The following PICK1 variants were observed in gnomAD, a reference collection of about 807,000 sequenced individuals.
PICK1 encodes protein interacting with PRKCA 1, also known as PRKCA-binding protein.
In PICK1, 23 loss-of-function variants were observed where a neutral mutation model predicts 48.9. The observed-to-expected ratio is 0.47, with a 90% CI of 0.34 to 0.67. The LOEUF is 0.67. Among genes scored for constraint, PICK1 ranks in the 30% least tolerant of loss-of-function variants. The probability of loss-of-function intolerance (pLI) is 0.01; values close to 1 mark genes in which losing one functional copy is unlikely to be tolerated. For missense variants in PICK1, 423 were observed against 557.1 expected, an observed-to-expected ratio of 0.76 and a Z score of 2.42; for synonymous variants, 217 against 228.2, an observed-to-expected ratio of 0.95 and a Z score of 0.44.
Position 38,069,082 on chromosome 22 carries a change from C to T in PICK1, c.399C>T (p.Thr133=), listed in dbSNP as rs147840806. The stretch of plus-strand genomic sequence containing the variant: ...TGGTGGAGAACATGAGTTCAGGGAC[C>T]GCAGATGCTCTGGGCCTGAGCCGGG... ...HRLVENMSSG[T]ADALGLSRAI... The change falls in exon 6 of 13, where the codon ACC becomes ACT. Residue 133 remains threonine, a synonymous_variant. Transcript: ENST00000356976. The T allele has an allele frequency of 4.1e-4, 654 of 1,612,908 alleles. No individual in the cohort carries two copies. The highest frequency in any genetic ancestry group is 5.2e-4 in the Non-Finnish European group (610 of 1,179,618).
Position 38,074,755 on chromosome 22 carries a change from TG to T in PICK1, c.980-106del. On this transcript the variant is annotated intron_variant, in intron 12 of 12. Coordinates refer to ENST00000356976, the MANE Select transcript of PICK1 (RefSeq NM_012407.4). This position sits in a 1 kb window ranked among gnomAD's most constrained non-coding sequence, Gnocchi z 4.5. ...ATGAGGGGTCAGGGAAGTGCCCGAG[TG>T]GGAAGCCCAGGGGAGGCGAGAGGTG... is the stretch of plus-strand genomic sequence containing the variant. The T allele has an allele frequency of 7.1e-7, 1 of 1,412,648 alleles. No homozygotes were observed. The highest frequency in any genetic ancestry group is 9.7e-7 in the Non-Finnish European group (1 of 1,030,616). The allele number at this position is 1,412,648 out of a possible 1,614,324, so 87.5% of individuals were successfully genotyped here. A position where few individuals can be genotyped will look rare whatever the true frequency, so the allele number is the denominator to read the frequency against.
rs2085819674 is a variant in PICK1 at position 38,075,457 on chromosome 22, C to A, written c.*325C>A. 6.3e-6 allele frequency: 2 copies of A among 316,974 alleles called. No homozygotes were observed. The highest frequency in any genetic ancestry group is 1.1e-4 in the East Asian group (2 of 17,766). The allele number at this position is 316,974 out of a possible 1,614,324, so 19.6% of individuals were successfully genotyped here. A position where few individuals can be genotyped will look rare whatever the true frequency, so the allele number is the denominator to read the frequency against. On this transcript the variant is annotated 3_prime_UTR_variant, in exon 13 of 13. Transcript: ENST00000356976. ...GAAAGGACTTGGAGGTGGCAGGAGT[C>A]CGAGCCCTGCTCCTTGTGGGCGCTC...
chr22:38,067,820 C>A, intron 5 of PICK1, 50 bp downstream of exon 5: 1 of 1,495,362 alleles, frequency 6.7e-7, no homozygotes, highest in Non-Finnish European at 9.3e-7. Flanking sequence ...CCTGGATGGG[C>A]CCTGGCCCAA....
rs1372948112 is a variant in PICK1, at chr22:38,074,578, C to G, written c.979+127C>G. The stretch of plus-strand genomic sequence containing the variant: ...CCCCTCCAGGAGCCCAGCCATCTGC[C>G]CAGAGCCTGGCCTGGGTGGAGCTGG... On this transcript the variant is annotated intron_variant, in intron 12 of 12. Transcript: ENST00000356976. This position sits in a 1 kb window ranked among gnomAD's most constrained non-coding sequence, Gnocchi z 4.5. 7.4e-7 allele frequency: 1 copy of G among 1,350,168 alleles called. No homozygotes were observed. The highest frequency in any genetic ancestry group is 1.4e-5 in the African/African-American group (1 of 69,106). The allele number at this position is 1,350,168 out of a possible 1,614,324, so 83.6% of individuals were successfully genotyped here. A position where few individuals can be genotyped will look rare whatever the true frequency, so the allele number is the denominator to read the frequency against.
rs1322029777 is a variant in PICK1 at position 38,073,835 on chromosome 22, A to T, written c.834+12A>T. Reference sequence around the variant, plus strand: ...AATACAGCTGCATTGTGAGTGTTGGAGGGGGTGGGGGGCTTGTACTTCCCC... The same window carrying T: ...AATACAGCTGCATTGTGAGTGTTGGTGGGGGTGGGGGGCTTGTACTTCCCC... On this transcript the variant is annotated intron_variant, in intron 11 of 12. Transcript: ENST00000356976. The surrounding 1 kb of genome is among the most constrained non-coding windows in gnomAD (Gnocchi z 5.7). 4 of 1,565,008 alleles carry T rather than the reference A, an allele frequency of 2.6e-6. No homozygotes were observed. The highest frequency in any genetic ancestry group is 1.7e-5 in the Admixed American group (1 of 58,792).
chr22:38,070,720 C>G, intron 6 of PICK1, 118 bp from the exon 7 acceptor site: 6 of 857,278 alleles, frequency 7.0e-6, no homozygotes, highest in Non-Finnish European at 1.2e-5. Flanking sequence ...CCCTGGGACC[C>G]CTGATCTTTC....
At chr22:38,069,401 G>GCCCCTTA (rs1162364108) in intron 6 of PICK1, among the ~76,000 whole-genome samples, 2 of 152,128 alleles carry the variant, frequency 1.3e-5, no homozygotes, top group East Asian at 3.9e-4. Context: ...CCTGCCCTCA[G>GCCCCTTA]CCCCTTACCC....
chr22:38,059,103 A>G lies in PICK1; in HGVS notation c.42-131A>G. 7.1e-6 allele frequency: 5 copies of G among 703,356 alleles called. No individual in the cohort carries two copies. The South Asian group carries it at 7.6e-5, about 11-fold the overall frequency. The allele number at this position is 703,356 out of a possible 1,614,324, so 43.6% of individuals were successfully genotyped here. ...AGAGCTGTGCATGTTCCAGCACAAA[A>G]TGTTGTTTTGTCCAAGGGAGGGAGA... On this transcript the variant is annotated intron_variant, in intron 2 of 12. Coordinates refer to ENST00000356976, the MANE Select transcript of PICK1 (RefSeq NM_012407.4).
chr22:38,060,496 C>T (rs2085372497), intron 3 of PICK1, among the ~76,000 whole-genome samples: 1 of 152,200 alleles, frequency 6.6e-6, no homozygotes, highest in African/African-American at 2.4e-5. Flanking sequence ...AAACTGGCCT[C>T]TGTGAGGATC....
At position 38,074,875 on chromosome 22, in the gene PICK1, G is replaced by A; in HGVS notation, c.991G>A (p.Val331Met). Reference sequence around the variant, plus strand: ...ACCTCCCACCCCAGTCCAGGACATCGTGTTCCAGCTGCAGCGCCTCGTGTC... The same window carrying A: ...ACCTCCCACCCCAGTCCAGGACATCATGTTCCAGCTGCAGCGCCTCGTGTC... ...LLDQKHVQDI[V>M]FQLQRLVSTM... The change falls in exon 13 of 13, where the codon GTG becomes ATG. Residue 331 changes from valine to methionine, a missense_variant. By Grantham distance (21) the Val-to-Met change is conservative. Coordinates refer to ENST00000356976, the MANE Select transcript of PICK1 (RefSeq NM_012407.4). This position sits in a 1 kb window ranked among gnomAD's most constrained non-coding sequence, Gnocchi z 4.5. The A allele has an allele frequency of 6.2e-7, 1 of 1,612,390 alleles. No individual in the cohort carries two copies. Among genetic ancestry groups the A allele is most frequent in the Non-Finnish European group, 8.5e-7 (1 of 1,179,996 alleles).
intron 2 of PICK1, chr22:38,058,250 C>T (rs1267900299): frequency 3.6e-6 from 1 of 274,122 alleles, no homozygotes; most frequent in African/African-American, 2.2e-5. Context: ...TAGAATATAT[C>T]CTCTTTCAGA....
chr22:38,073,177 C>T lies in PICK1; in HGVS notation c.783+85C>T, dbSNP rs548848106. ...CTTCAGTCAGCCATGCTGCGGCCAG[C>T]GAGGCCAGCCAGAGCTGACAGCATG... is the stretch of plus-strand genomic sequence containing the variant. On this transcript the variant is annotated intron_variant, in intron 10 of 12. Coordinates refer to ENST00000356976, the MANE Select transcript of PICK1 (RefSeq NM_012407.4). This position sits in a 1 kb window ranked among gnomAD's most constrained non-coding sequence, Gnocchi z 5.7. The T allele has an allele frequency of 1.3e-5, 12 of 925,208 alleles. No homozygotes were observed. The highest frequency in any genetic ancestry group is 3.9e-5 in the South Asian group (3 of 76,642). The allele number at this position is 925,208 out of a possible 1,614,324, so 57.3% of individuals were successfully genotyped here.
At chr22:38,057,879 C>A in intron 2 of PICK1, 29 bp downstream of exon 2, 1 of 1,579,154 alleles carries the variant, frequency 6.3e-7, no homozygotes, top group Non-Finnish European at 8.7e-7. Context: ...CAAGTTCCAG[C>A]AGTATAGGAG....
At position 38,075,031 on chromosome 22, in the gene PICK1, G is replaced by T; in HGVS notation, c.1147G>T (p.Glu383Ter). 6.2e-7 allele frequency: 1 copy of T among 1,612,874 alleles called. No individual in the cohort carries two copies. The highest frequency in any genetic ancestry group is 8.5e-7 in the Non-Finnish European group (1 of 1,179,682). The part of the protein sequence containing the change: ...LNQEEFTDGE[E>*]EEEEEDTAAG... The stretch of plus-strand genomic sequence containing the variant: ...CCAGGAGGAGTTCACAGATGGGGAG[G>T]AGGAGGAGGAGGAGGAAGACACGGC... The change falls in exon 13 of 13, where the codon GAG (glutamate) becomes TAG (stop). Residue 383 changes from glutamate (E) to a stop codon, truncating the protein, a stop_gained. Transcript: ENST00000356976. LOFTEE classifies it high-confidence loss of function.
Position 38,073,178 on chromosome 22 carries a change from G to A in PICK1, c.783+86G>A, listed in dbSNP as rs567024005. 16 of 926,700 alleles carry A rather than the reference G, an allele frequency of 1.7e-5. No homozygotes were observed. Among genetic ancestry groups the A allele is most frequent in the South Asian group, 7.8e-5 (6 of 76,694 alleles). 57.4% of individuals were successfully genotyped at this position (926,700 alleles called of 1,614,324 possible). On this transcript the variant is annotated intron_variant, in intron 10 of 12. Transcript: ENST00000356976. This position sits in a 1 kb window ranked among gnomAD's most constrained non-coding sequence, Gnocchi z 5.7. ...TTCAGTCAGCCATGCTGCGGCCAGC[G>A]AGGCCAGCCAGAGCTGACAGCATGT...
At chr22:38,067,919 C>G in intron 5 of PICK1, 149 bp downstream of exon 5, 1 of 738,570 alleles carries the variant, frequency 1.4e-6, no homozygotes, top group East Asian at 2.7e-5. Context: ...TCTGACCAAG[C>G]AAATCTGAAA....
intron 4 of PICK1, chr22:38,067,468 C>G (rs1213389674): frequency 2.1e-6 from 1 of 469,004 alleles, no homozygotes; most frequent in African/African-American, 2.0e-5. Flanking sequence ...GCCACTACGC[C>G]CAGCTAATTT....
chr22:38,070,966 G>T, intron 7 of PICK1, 75 bp downstream of exon 7: 2 of 1,197,586 alleles, frequency 1.7e-6, no homozygotes, highest in Non-Finnish European at 1.2e-6. Context: ...GGCAACAGGG[G>T]TGCTGGCACT....
chr22:38,059,869 T>C (rs961801618), intron 3 of PICK1, among the ~76,000 whole-genome samples: 1 of 152,152 alleles, frequency 6.6e-6, no homozygotes, highest in Admixed American at 6.5e-5. Flanking sequence ...CACAATCATC[T>C]CTGGGTTCTT....
Sources: gnomAD v4.1 joint callset for allele counts (sites outside exome capture counted in the v4.1 genomes callset) on GRCh38, gnomAD v4.1.1 for gene constraint, Gnocchi (gnomAD v3.1) non-coding constraint, MANE v1.5 for transcripts, NCBI Gene and HGNC (gene_info 2026-07-23, HGNC 2026-07-21) for gene names.